The following PTPRM variants were observed in gnomAD, a reference collection of about 807,000 sequenced individuals.
PTPRM encodes the protein protein tyrosine phosphatase receptor type M.
In PTPRM, 47 loss-of-function variants were observed where a neutral mutation model predicts 186.7. The observed-to-expected ratio is 0.25, with a 90% CI of 0.20 to 0.32. The LOEUF (loss-of-function observed/expected upper bound fraction) is 0.32. Among genes scored for constraint, PTPRM ranks in the 10% least tolerant of loss-of-function variants. The pLI is 1.00. For synonymous variants in PTPRM, 668 were observed against 674.9 expected (o/e 0.99, Z 0.16); for missense variants, 1,494 against 1,865.0 (o/e 0.80, Z 3.66).
chr18:7,861,835 A>C (rs1233032551), intron 2 of PTPRM, among the ~76,000 whole-genome samples: 1 of 152,158 alleles, frequency 6.6e-6, no homozygotes, highest in Non-Finnish European at 1.5e-5. Context: ...ATAGACAAGC[A>C]GTAAACCTAC....
At chr18:8,288,475 G>A (rs750542099) in intron 19 of PTPRM, among the ~76,000 whole-genome samples, 12 of 152,128 alleles carry the variant, frequency 7.9e-5, no homozygotes, top group African/African-American at 1.2e-4. Flanking sequence ...AACACCCACC[G>A]TCTGCTTCTT....
chr18:7,833,203 G>C (rs763718378), intron 2 of PTPRM, among the ~76,000 whole-genome samples: 1 of 151,958 alleles, frequency 6.6e-6, no homozygotes, highest in Non-Finnish European at 1.5e-5. Flanking sequence ...TAGATTACTT[G>C]GGTAGTGTGG....
chr18:7,682,596 T>G (rs1427942139), intron 1 of PTPRM, among the ~76,000 whole-genome samples: 2 of 152,218 alleles, frequency 1.3e-5, no homozygotes, highest in Admixed American at 1.3e-4. Context: ...AACTGCTCTT[T>G]TTGTTAGAGA....
intron 6 of PTPRM, among the ~76,000 whole-genome samples, chr18:7,950,225 C>T (rs573685476): frequency 3.3e-5 from 5 of 152,234 alleles, no homozygotes; most frequent in African/African-American, 7.2e-5. Flanking sequence ...TGAGACTCCA[C>T]CTCTACAAAA....
At chr18:7,690,977 T>C (rs768169234) in intron 1 of PTPRM, among the ~76,000 whole-genome samples, 3 of 152,236 alleles carry the variant, frequency 2.0e-5, no homozygotes, top group Non-Finnish European at 4.4e-5. Flanking sequence ...GCCATTACAA[T>C]AGATTTCAAA....
intron 11 of PTPRM, among the ~76,000 whole-genome samples, chr18:8,111,384 G>A (rs766547610): frequency 1.2e-4 from 19 of 152,148 alleles, no homozygotes; most frequent in Non-Finnish European, 2.1e-4. Flanking sequence ...AGGCCGAGGC[G>A]GGCGGATCAC....
intron 13 of PTPRM, among the ~76,000 whole-genome samples, chr18:8,136,595 G>A (rs1436159803): frequency 6.6e-6 from 1 of 152,060 alleles, no homozygotes; most frequent in Non-Finnish European, 1.5e-5. Context: ...GCCCTACACT[G>A]GAAATTAGGG....
At chr18:7,864,617 A>T (rs2047578246) in intron 2 of PTPRM, among the ~76,000 whole-genome samples, 1 of 152,140 alleles carries the variant, frequency 6.6e-6, no homozygotes, top group South Asian at 2.1e-4. Flanking sequence ...GTATAGTTGG[A>T]AGTCAGGTAG....
At chr18:8,126,031 T>TTTTTTTTTTTTA (rs1411357861) in intron 13 of PTPRM, among the ~76,000 whole-genome samples, 1 of 92,576 alleles carries the variant, frequency 1.1e-5, no homozygotes, top group African/African-American at 3.8e-5. Flanking sequence ...ATATATATTT[T>TTTTTTTTTTTTA]AAATCAGTAG....
intron 20 of PTPRM, among the ~76,000 whole-genome samples, chr18:8,299,526 G>A (rs147549099): frequency 0.027 from 4,091 of 151,734 alleles, 178 homozygotes; most frequent in South Asian, 0.098. Context: ...GATGGAGGTT[G>A]CAGTGAGCCG....
At chr18:7,757,738 G>A (rs1209387257) in intron 1 of PTPRM, among the ~76,000 whole-genome samples, 1 of 152,186 alleles carries the variant, frequency 6.6e-6, no homozygotes, top group Non-Finnish European at 1.5e-5. Flanking sequence ...TAATGGATGA[G>A]TGAGCAGGAG....
chr18:7,733,991 G>C (rs6506530), intron 1 of PTPRM, among the ~76,000 whole-genome samples: 7,395 of 152,248 alleles, frequency 0.049, 455 homozygotes, highest in East Asian at 0.13. Context: ...CTGCCTCTAT[G>C]ACTACCTTAC....
At chr18:7,596,003 C>T (rs879748270) in intron 1 of PTPRM, among the ~76,000 whole-genome samples, 10 of 152,114 alleles carry the variant, frequency 6.6e-5, no homozygotes, top group African/African-American at 9.7e-5. Flanking sequence ...GGAAAAAGAT[C>T]GAAAAAGTAT....
chr18:7,648,077 T>G (rs1413634806), intron 1 of PTPRM, among the ~76,000 whole-genome samples: 2 of 152,228 alleles, frequency 1.3e-5, no homozygotes, highest in Non-Finnish European at 2.9e-5. Context: ...CACTTTGTAT[T>G]TCTTTTTCAG....
At chr18:7,824,900 T>C (rs1267655302) in intron 2 of PTPRM, among the ~76,000 whole-genome samples, 1 of 152,202 alleles carries the variant, frequency 6.6e-6, no homozygotes, top group East Asian at 1.9e-4. Flanking sequence ...AGCTGCTTGC[T>C]GGGGCTCCCA....
intron 2 of PTPRM, chr18:7,815,334 T>C (rs948270369): frequency 2.0e-5 from 3 of 152,250 alleles, no homozygotes; most frequent in African/African-American, 7.2e-5. Flanking sequence ...CAATACTCTT[T>C]GTCCTAGTAA....
intron 2 of PTPRM, among the ~76,000 whole-genome samples, chr18:7,879,936 G>A (rs1427416958): frequency 1.3e-5 from 2 of 152,294 alleles, no homozygotes; most frequent in East Asian, 3.9e-4. Flanking sequence ...ACTGTTCCGC[G>A]TGACTGGGAA....
chr18:7,661,241 C>T (rs914324704), intron 1 of PTPRM, among the ~76,000 whole-genome samples: 66 of 152,246 alleles, frequency 4.3e-4, no homozygotes, highest in African/African-American at 1.4e-3. Flanking sequence ...ATTCATATTA[C>T]GAGCTAATGT....
intron 5 of PTPRM, among the ~76,000 whole-genome samples, chr18:7,940,089 TG>T (rs938753110): frequency 6.6e-6 from 1 of 152,086 alleles, no homozygotes; most frequent in African/African-American, 2.4e-5. Context: ...GCAAAGGAAT[TG>T]GGGCTGGCCA....
Sources: gnomAD v4.1 joint callset for allele counts (sites outside exome capture counted in the v4.1 genomes callset) on GRCh38, gnomAD v4.1.1 for gene constraint, MANE v1.5 for transcripts, NCBI Gene and HGNC (gene_info 2026-07-23, HGNC 2026-07-21) for gene names.